The following FBXL13 variants were observed in gnomAD, a reference collection of about 807,000 sequenced individuals.
FBXL13 encodes the protein F-box and leucine rich repeat protein 13, also known as F-box and leucine-rich repeat protein 13.
In FBXL13, 67 loss-of-function variants were observed where a neutral mutation model predicts 83.6. The ratio of observed to expected loss-of-function variants is 0.80; its 90% CI spans 0.66 to 0.98. The LOEUF is 0.98. FBXL13 is among the 50% of genes least tolerant of loss of function. The probability of loss-of-function intolerance (pLI) is 0.00; values close to 1 mark genes in which losing one functional copy is unlikely to be tolerated. For missense variants in FBXL13, 822 were observed against 866.5 expected (o/e 0.95, Z 0.64); for synonymous variants, 272 against 299.5 (o/e 0.91, Z 0.95).
chr7:102,826,767 A>ATATG (rs1799781426), intron 18 of FBXL13, among the ~76,000 whole-genome samples: 1 of 112,848 alleles, frequency 8.9e-6, no homozygotes, highest in Admixed American at 1.0e-4. Context: ...ATATATATAT[A>ATATG]TATATGTATA....
At chr7:103,016,491 T>G (rs140679797) in intron 6 of FBXL13, among the ~76,000 whole-genome samples, 4,165 of 151,530 alleles carry the variant, frequency 0.027, 101 homozygotes, top group Non-Finnish European at 0.036. Context: ...GGACAGTTGG[T>G]GCAGCCCACC....
intron 11 of FBXL13, among the ~76,000 whole-genome samples, chr7:102,907,536 G>A (rs1163370596): frequency 6.8e-6 from 1 of 146,310 alleles, no homozygotes; most frequent in Non-Finnish European, 1.5e-5. Flanking sequence ...TGTTCTTACT[G>A]TTCAACTCCC....
rs142478821 is a variant in FBXL13 at position 103,028,907 on chromosome 7, C to T, written c.69-159G>A. 4.8e-3 allele frequency among the ~76,000 whole-genome samples: 729 copies of T among 152,018 alleles called. 6 individuals carry two copies. Among genetic ancestry groups the T allele is most frequent in the African/African-American group, 0.017 (691 of 41,486 alleles). Reference sequence around the variant, plus strand: ...CAACTTGGGTATGACCTGAAGAATTCCTAAGAGTTATAGAGAAAAATGGAG... The same window carrying T: ...CAACTTGGGTATGACCTGAAGAATTTCTAAGAGTTATAGAGAAAAATGGAG... On this transcript the variant is annotated intron_variant, in intron 3 of 19. Coordinates refer to ENST00000313221, the Ensembl canonical transcript of FBXL13.
intron 10 of FBXL13, among the ~76,000 whole-genome samples, chr7:102,921,536 T>C (rs1817026368): frequency 6.6e-6 from 1 of 151,320 alleles, no homozygotes; most frequent in South Asian, 2.1e-4. Context: ...AAAAATTAGC[T>C]GGGTGTTGTG....
At chr7:102,940,873 C>T (rs1821297772) in intron 8 of FBXL13, among the ~76,000 whole-genome samples, 1 of 152,180 alleles carries the variant, frequency 6.6e-6, no homozygotes, top group Non-Finnish European at 1.5e-5. Context: ...AAAGTTTTAA[C>T]TATGAAAATG....
exon 11 of FBXL13, chr7:102,913,129 C>A: frequency 6.2e-7 from 1 of 1,614,186 alleles, no homozygotes; most frequent in Non-Finnish European, 8.5e-7. Context: ...CTTGTGGCAT[C>A]CATTCCCCAA....
chr7:102,895,987 G>A (rs1584822656), intron 11 of FBXL13, among the ~76,000 whole-genome samples: 2 of 152,324 alleles, frequency 1.3e-5, no homozygotes, highest in Non-Finnish European at 1.5e-5. Context: ...AGTTAACCAC[G>A]AAGATATCTG....
intron 1 of FBXL13, among the ~76,000 whole-genome samples, chr7:103,065,257 G>A (rs1798285723): frequency 6.6e-6 from 1 of 152,072 alleles, no homozygotes; most frequent in Non-Finnish European, 1.5e-5. Context: ...GAACACTTAT[G>A]TACCTATCAC....
intron 10 of FBXL13, among the ~76,000 whole-genome samples, chr7:102,925,993 G>C (rs1005200724): frequency 2.7e-5 from 4 of 149,214 alleles, no homozygotes; most frequent in African/African-American, 9.8e-5. Context: ...GTAAGGGCCA[G>C]AAAGCTTGAA....
chr7:102,926,468 A>C, intron 9 of FBXL13, 94 bp from the exon 11 acceptor site: 3 of 901,640 alleles, frequency 3.3e-6, no homozygotes, highest in Non-Finnish European at 5.0e-6. Context: ...CTGTTCCAGA[A>C]AAAAATACAT....
At position 103,074,469 on chromosome 7, in the gene FBXL13, C is replaced by A. The variant is rs1443771554; in HGVS notation, c.-328G>T. 4 of 1,136,114 alleles carry A rather than the reference C, an allele frequency of 3.5e-6. No homozygotes were observed. The East Asian group carries it at 1.8e-4, about 52-fold the overall frequency. 70.4% of individuals were successfully genotyped at this position (1,136,114 alleles called of 1,614,324 possible). A position where few individuals can be genotyped will look rare whatever the true frequency, so the allele number is the denominator to read the frequency against. Reference sequence around the variant, plus strand: ...TTCCCCCTGGGAGATGTCACCCATTCCCCACGTGCAGCCACCATCACCCTC... The same window carrying A: ...TTCCCCCTGGGAGATGTCACCCATTACCCACGTGCAGCCACCATCACCCTC... On this transcript the variant is annotated 5_prime_UTR_variant, in exon 1 of 20. Coordinates refer to ENST00000313221, the Ensembl canonical transcript of FBXL13.
intron 6 of FBXL13, among the ~76,000 whole-genome samples, chr7:102,994,158 A>G (rs1829855186): frequency 6.6e-6 from 1 of 152,158 alleles, no homozygotes; most frequent in Admixed American, 6.5e-5. Context: ...TAATTAACTT[A>G]TATGTTTATA....
intron 8 of FBXL13, chr7:102,944,711 ATCC>A: frequency 9.8e-7 from 1 of 1,023,592 alleles, no homozygotes; most frequent in Admixed American, 2.8e-5. Flanking sequence ...ATGCAGGGTA[ATCC>A]AGCTAAAGGA....
chr7:102,848,949 G>A (rs1315223180), intron 17 of FBXL13, among the ~76,000 whole-genome samples: 3 of 152,046 alleles, frequency 2.0e-5, no homozygotes, highest in South Asian at 2.1e-4. Flanking sequence ...GCAGTGAGTC[G>A]AGATCGTGCC....
chr7:102,976,756 C>T (rs1345914297), intron 6 of FBXL13, among the ~76,000 whole-genome samples: 2 of 152,148 alleles, frequency 1.3e-5, no homozygotes, highest in African/African-American at 2.4e-5. Context: ...CTCACCTCCT[C>T]GCCAGTCACC....
At chr7:102,971,492 G>A (rs1826649531) in intron 6 of FBXL13, among the ~76,000 whole-genome samples, 1 of 151,470 alleles carries the variant, frequency 6.6e-6, no homozygotes. Context: ...AGCTACTTGG[G>A]AGGCTGAGGC....
At chr7:102,942,307 C>T (rs1386606523) in intron 8 of FBXL13, 1 of 1,595,868 alleles carries the variant, frequency 6.3e-7, no homozygotes, top group African/African-American at 1.4e-5. Flanking sequence ...GAGATGAAAC[C>T]CTGCAAGTAG....
Position 102,823,251 on chromosome 7 carries a change from C to T in FBXL13, c.1855-1048G>A, listed in dbSNP as rs1176360424. Among the ~76,000 whole-genome samples, 7 of 152,156 alleles carry T rather than the reference C, an allele frequency of 4.6e-5. No homozygotes were observed. The South Asian group carries it at 8.3e-4, about 18-fold the overall frequency. ...AAATTTAAAATCCTCTCTAAGGCAT[C>T]ACCAATTTAAAAACATATGTTTAAT... On this transcript the variant is annotated intron_variant, in intron 18 of 19. Transcript: ENST00000313221.
chr7:102,927,714 C>A (rs181105628), intron 9 of FBXL13, among the ~76,000 whole-genome samples: 1 of 152,164 alleles, frequency 6.6e-6, no homozygotes, highest in East Asian at 1.9e-4. Flanking sequence ...ATAAACACTA[C>A]TCTTAACTAC....
Sources: allele counts gnomAD v4.1 joint callset (sites outside exome capture counted in the v4.1 genomes callset), GRCh38; gene constraint gnomAD v4.1.1; transcripts MANE v1.5; gene names NCBI Gene and HGNC (gene_info 2026-07-23, HGNC 2026-07-21).